PSG5: variants seen among roughly 807,000 people sequenced by gnomAD.
The protein encoded by PSG5 is pregnancy-specific beta-1-glycoprotein 5.
In PSG5, 53 loss-of-function variants were observed where a neutral mutation model predicts 37.7. The ratio of observed to expected loss-of-function variants is 1.41; its 90% CI spans 1.13 to 1.77. PSG5 has a LOEUF of 1.77. PSG5 is among the 40% of genes most tolerant of loss of function. The pLI, the probability that PSG5 is intolerant of heterozygous loss-of-function variation, is 0.00. For synonymous variants in PSG5, 221 were observed against 155.4 expected (o/e 1.42, Z -3.14); for missense variants, 547 against 405.2 (o/e 1.35, Z -3.00).
intron 2 of PSG5, among the ~76,000 whole-genome samples, chr19:43,177,101 C>T (rs1274204336): frequency 1.3e-5 from 2 of 151,732 alleles, no homozygotes; most frequent in Middle Eastern, 3.4e-3. Context: ...GGACATTCTA[C>T]TCTCTGATTC....
At chr19:43,175,743 T>C in intron 3 of PSG5, 127 bp downstream of exon 3, 1 of 1,527,292 alleles carries the variant, frequency 6.5e-7, no homozygotes, top group South Asian at 1.3e-5. Flanking sequence ...CAGGGAGTCA[T>C]GGCCAGCTCA....
rs890673682 is a variant in PSG5 at position 43,172,409 on chromosome 19, G to T, written c.965-2271C>A. Among the ~76,000 whole-genome samples the T allele has an allele frequency of 5.3e-5, 8 of 151,230 alleles. 1 individual carries two copies. Among genetic ancestry groups the T allele is most frequent in the Middle Eastern group, 3.4e-3 (1 of 294 alleles). On this transcript the variant is annotated intron_variant, in intron 4 of 5. Transcript: ENST00000342951. ...TAGTCAGAAAAATTAGGCAAGAATT[G>T]AAAAAAAGACATTCAAATTGGAAGG...
At chr19:43,170,597 C>T in intron 4 of PSG5, 2 of 306,132 alleles carry the variant, frequency 6.5e-6, no homozygotes, top group South Asian at 3.8e-5. Flanking sequence ...GCTTCTTTCC[C>T]ACAGGCTCCC....
intron 2 of PSG5, chr19:43,178,988 C>T: frequency 1.2e-6 from 2 of 1,612,680 alleles, no homozygotes; most frequent in Non-Finnish European, 1.7e-6. Flanking sequence ...TAAAGAGGGT[C>T]CTGTTGGTTT....
Position 43,184,846 on chromosome 19 carries a change from T to C in PSG5, c.366A>G (p.Leu122=). 6.2e-7 allele frequency: 1 copy of C among 1,612,434 alleles called. No individual in the cohort carries two copies. The highest frequency in any genetic ancestry group is 8.5e-7 in the Non-Finnish European group (1 of 1,179,088). The change falls in exon 2 of 6, where the codon TTA becomes TTG. Residue 122 remains leucine (L), a synonymous_variant. Coordinates refer to ENST00000342951, the MANE Select transcript of PSG5 (RefSeq NM_002781.4). ...TCCTATCACCTCGCTTTATGATGTG[T>C]AAGGTGTAGGATCCTGCGTCTTCCC... The part of the protein sequence containing the change: ...VTREDAGSYT[L]HIIKRGDRTR...
In PSG5 at chr19:43,184,844, T is replaced by C. The variant is rs1966893000; in HGVS notation, c.368A>G (p.His123Arg). ...AGTCCTATCACCTCGCTTTATGATG[T>C]GTAAGGTGTAGGATCCTGCGTCTTC... ...TREDAGSYTLHIIKRGDRTRG... is the reference protein window; with the variant it reads ...TREDAGSYTLRIIKRGDRTRG... The change falls in exon 2 of 6, where the codon CAC becomes CGC. Residue 123 changes from histidine (H) to arginine (R), a missense_variant. By Grantham distance (29) the His-to-Arg change is conservative. Coordinates refer to ENST00000342951, the MANE Select transcript of PSG5 (RefSeq NM_002781.4). 6.2e-7 allele frequency: 1 copy of C among 1,612,316 alleles called. No homozygotes were observed. Among genetic ancestry groups the C allele is most frequent in the African/African-American group, 1.3e-5 (1 of 74,474 alleles).
In PSG5 at chr19:43,186,480, C is replaced by T. The variant is rs970692563; in HGVS notation, c.-75G>A. The T allele has an allele frequency of 4.4e-6, 7 of 1,593,082 alleles. No homozygotes were observed. The Admixed American group carries it at 1.2e-4, about 27-fold the overall frequency. On this transcript the variant is annotated 5_prime_UTR_variant, in exon 1 of 6. Transcript: ENST00000342951. ...GAAACTTCCTGAGCACGGCTGTAGG[C>T]TGTGCTGTCCTTCCTCCTTCTGTGC...
Position 43,168,140 on chromosome 19 carries a change from A to C in PSG5, c.*104T>G. 1 of 442,830 alleles carries C rather than the reference A, an allele frequency of 2.3e-6. No homozygotes were observed. The allele number at this position is 442,830 out of a possible 1,614,324, so 27.4% of individuals were successfully genotyped here. ...AGAGTCTTTTCCATAAATCTCCTTG[A>C]AGAAAAAGCAATTTTGGACTGTAGG... On this transcript the variant is annotated 3_prime_UTR_variant, in exon 6 of 6. Transcript: ENST00000342951.
chr19:43,183,288 G>A (rs1969169638), intron 2 of PSG5: 2 of 368,570 alleles, frequency 5.4e-6, no homozygotes, highest in South Asian at 3.9e-5. Flanking sequence ...GTGGGGGGAT[G>A]AAACATGGAT....
rs1798617123 is a variant in PSG5 at position 43,176,255 on chromosome 19, C to T, written c.431-107G>A. The T allele has an allele frequency of 3.0e-5, 46 of 1,525,684 alleles. 3 individuals are homozygous for T. The highest frequency in any genetic ancestry group is 3.3e-5 in the Non-Finnish European group (37 of 1,128,436). The allele number at this position is 1,525,684 out of a possible 1,614,324, so 94.5% of individuals were successfully genotyped here. On this transcript the variant is annotated intron_variant, in intron 2 of 5. Transcript: ENST00000342951. ...TCCCACCTGTCAACCCACCAGAGTC[C>T]TTGAAAGCCAGTAGCTGATGCATGT...
intron 4 of PSG5, 63 bp from the exon 5 acceptor site, chr19:43,170,201 A>T: frequency 7.3e-7 from 1 of 1,361,686 alleles, no homozygotes; most frequent in South Asian, 1.2e-5. Context: ...GGGGAGCCTC[A>T]GGAAGAGGCA....
Position 43,176,082 on chromosome 19 carries a change from G to T in PSG5, c.497C>A (p.Ala166Asp), listed in dbSNP as rs750568463. ...CTCACTCTTAGGTTCACAGGTGAAG[G>T]CTAAGACATCCTTATTCTCCCTGGG... ...SKPRENKDVL[A>D]FTCEPKSENY... The change falls in exon 3 of 6, where the codon GCC becomes GAC. Residue 166 changes from alanine to aspartate, a missense_variant. Physicochemically the swap from Ala to Asp is moderately radical, Grantham distance 126 (BLOSUM62 -2). Transcript: ENST00000342951. 1.9e-6 allele frequency: 3 copies of T among 1,610,946 alleles called. No homozygotes were observed. The highest frequency in any genetic ancestry group is 1.7e-6 in the Non-Finnish European group (2 of 1,179,132).
At position 43,175,373 on chromosome 19, in the gene PSG5, G is replaced by T. The variant is rs140080952; in HGVS notation, c.806C>A (p.Ala269Glu). The T allele has an allele frequency of 3.7e-6, 6 of 1,612,894 alleles. 1 individual carries two copies. The African/African-American group carries it at 8.0e-5, about 22-fold the overall frequency. ...LSCFAESNPP[A>E]EYFWTINGKF... ...CCCATTAATTGTCCAAAAATACTCT[G>T]CCGGTGGGTTAGATTCCGCGAAGCA... Residue 269 changes from alanine (A) to glutamate (E), a missense_variant, in exon 4 of 6, where the codon GCA becomes GAA. Coordinates refer to ENST00000342951, the MANE Select transcript of PSG5 (RefSeq NM_002781.4).
chr19:43,174,866 C>A (rs1968971726), intron 4 of PSG5: 1 of 1,188,426 alleles, frequency 8.4e-7, no homozygotes, highest in East Asian at 2.6e-5. Context: ...TACAAGGAAA[C>A]AAAGACATGG....
At chr19:43,181,140 A>C (rs1369213706) in intron 2 of PSG5, among the ~76,000 whole-genome samples, 1 of 151,644 alleles carries the variant, frequency 6.6e-6, no homozygotes, top group African/African-American at 2.4e-5. Context: ...AAACAGTTTT[A>C]TGTGGCACAG....
Position 43,183,866 on chromosome 19 carries a change from G to A in PSG5, c.430+916C>T, listed in dbSNP as rs145266386. 3.8e-3 allele frequency among the ~76,000 whole-genome samples: 574 copies of A among 151,480 alleles called. 9 individuals carry two copies. Among genetic ancestry groups the A allele is most frequent in the African/African-American group, 0.014 (556 of 41,138 alleles). On this transcript the variant is annotated intron_variant, in intron 2 of 5. Coordinates refer to ENST00000342951, the MANE Select transcript of PSG5 (RefSeq NM_002781.4). ...TGGTTCAGTGACTGTGCCTTCCTGT[G>A]CCTCAGTTTTCTCTCAATCAAATAA...
At position 43,179,293 on chromosome 19, in the gene PSG5, AC is replaced by A. The variant is rs749656580; in HGVS notation, c.431-3146del. ...AAAGCCCATGGCAGGTGTGTGTGTTACAAGACAGATGCATGGCAATCTGAGA... is the reference window on the plus strand; with the variant it reads ...AAAGCCCATGGCAGGTGTGTGTGTTAAAGACAGATGCATGGCAATCTGAGA... On this transcript the variant is annotated intron_variant, in intron 2 of 5. Coordinates refer to ENST00000342951, the MANE Select transcript of PSG5 (RefSeq NM_002781.4). 393 of 1,259,796 alleles carry A rather than the reference AC, an allele frequency of 3.1e-4. 7 individuals are homozygous for A. Among genetic ancestry groups the A allele is most frequent in the Non-Finnish European group, 3.9e-4 (358 of 910,112 alleles). The allele number at this position is 1,259,796 out of a possible 1,614,324, so 78.0% of individuals were successfully genotyped here. A position where few individuals can be genotyped will look rare whatever the true frequency, so the allele number is the denominator to read the frequency against.
Position 43,170,141 on chromosome 19 carries a change from G to A in PSG5, c.965-3C>T. On this transcript the variant is annotated splice_polypyrimidine_tract_variant and splice_region_variant and intron_variant, in intron 4 of 5. Transcript: ENST00000342951. The stretch of plus-strand genomic sequence containing the variant: ...AAGACGTCCTATTCCTGAAGGAGCT[G>A]TCATGGAAAGAAAAGTAAAGAAGGA... The A allele has an allele frequency of 6.3e-7, 1 of 1,581,912 alleles. No individual in the cohort carries two copies. The highest frequency in any genetic ancestry group is 1.7e-5 in the Admixed American group (1 of 59,174).
chr19:43,184,687 G>T lies in PSG5; in HGVS notation c.430+95C>A, dbSNP rs544505521. The stretch of plus-strand genomic sequence containing the variant: ...GCAGCATGGGACATAATGCAGAGAG[G>T]GACACAGGCACAGTGCAGGCCTGAC... On this transcript the variant is annotated intron_variant, in intron 2 of 5. Coordinates refer to ENST00000342951, the MANE Select transcript of PSG5 (RefSeq NM_002781.4). 9.1e-5 allele frequency: 144 copies of T among 1,585,614 alleles called. 1 individual carries two copies. Among genetic ancestry groups the T allele is most frequent in the African/African-American group, 4.6e-4 (34 of 73,862 alleles).
Sources: gnomAD v4.1 joint callset for allele counts (sites outside exome capture counted in the v4.1 genomes callset) on GRCh38, gnomAD v4.1.1 for gene constraint, MANE v1.5 for transcripts, NCBI Gene and HGNC (gene_info 2026-07-23, HGNC 2026-07-21) for gene names.